The following ZNF676 variants were observed in gnomAD, a reference collection of about 807,000 sequenced individuals.
ZNF676 encodes zinc finger protein 676.
In ZNF676, 4 loss-of-function variants were observed where a neutral mutation model predicts 6.0. That is an observed-to-expected ratio of 0.67 (90% CI 0.33 to 1.53). The LOEUF (loss-of-function observed/expected upper bound fraction) is 1.53. Ranked by LOEUF, ZNF676 falls within the 40% of genes most tolerant of loss-of-function variation. The probability of loss-of-function intolerance (pLI) is 0.06; values close to 1 mark genes in which losing one functional copy is unlikely to be tolerated. For missense variants in ZNF676, 644 were observed against 679.7 expected (o/e 0.95, Z 0.58); for synonymous variants, 198 against 223.1 (o/e 0.89, Z 1.00).
chr19:22,228,239 A>G, the ZNF676 span, among the ~76,000 whole-genome samples: 2 of 152,120 alleles, frequency 1.3e-5, no homozygotes, highest in Non-Finnish European at 2.9e-5. Flanking sequence ...CATAAACAGA[A>G]CCCATGACAA....
rs1280872445 is a variant in ZNF676, at chr19:22,209,567, A to T, written c.3+6065T>A. On this transcript the variant is annotated intron_variant, in intron 1 of 3. Transcript: ENST00000650058. Reference sequence around the variant, plus strand: ...TGCTATGATTAGTACTGCAGTGACAAAATAATCTCCACACCAAACTCCCAT... The same window carrying T: ...TGCTATGATTAGTACTGCAGTGACATAATAATCTCCACACCAAACTCCCAT... Among the ~76,000 whole-genome samples, 5 of 152,278 alleles carry T rather than the reference A, an allele frequency of 3.3e-5. No homozygotes were observed. In the East Asian group the frequency reaches 9.7e-4, roughly 30 times the overall value.
intron 1 of ZNF676, chr19:22,204,137 A>ATT (rs879339379): frequency 6.4e-4 from 97 of 152,320 alleles, no homozygotes; most frequent in African/African-American, 2.0e-3. Flanking sequence ...TAATAGCAGC[A>ATT]TACTAATTTG....
chr19:22,228,438 C>G, the ZNF676 span, among the ~76,000 whole-genome samples: 1 of 152,182 alleles, frequency 6.6e-6, no homozygotes, highest in Non-Finnish European at 1.5e-5. Flanking sequence ...CCTTTGAAAA[C>G]TGGCACAAGA....
intron 2 of ZNF676, among the ~76,000 whole-genome samples, chr19:22,185,855 C>T (rs1037687059): frequency 2.0e-5 from 3 of 151,906 alleles, no homozygotes; most frequent in African/African-American, 7.3e-5. Context: ...GAGAAACAAA[C>T]AAAGCCTCCA....
chr19:22,256,723 G>A, the ZNF676 span, among the ~76,000 whole-genome samples: 1 of 152,004 alleles, frequency 6.6e-6, no homozygotes, highest in South Asian at 2.1e-4. Context: ...CCTCACCTAG[G>A]TTCTGGGTCC....
the ZNF676 span, among the ~76,000 whole-genome samples, chr19:22,235,081 G>A: frequency 6.8e-6 from 1 of 147,620 alleles, no homozygotes; most frequent in East Asian, 2.0e-4. Flanking sequence ...AGTCAGGAAG[G>A]CAGGAAGGCA....
intron 1 of ZNF676, among the ~76,000 whole-genome samples, chr19:22,204,627 T>C (rs1359086257): frequency 6.6e-6 from 1 of 152,212 alleles, no homozygotes; most frequent in East Asian, 1.9e-4. Flanking sequence ...ATCGGGTTTC[T>C]GCCAAAGAAC....
rs2023692393 is a variant in ZNF676 at position 22,179,241 on chromosome 19, T to C, written c.*709A>G. 6.3e-6 allele frequency: 1 copy of C among 159,082 alleles called. No individual in the cohort carries two copies. Among genetic ancestry groups the C allele is most frequent in the Admixed American group, 6.1e-5 (1 of 16,348 alleles). 9.9% of individuals were successfully genotyped at this position (159,082 alleles called of 1,614,324 possible). ...GATTTCTTTTATATTCAGAAAAGTC[T>C]GAGGTGTTGCCAAAAGCATTGTCAC... On this transcript the variant is annotated 3_prime_UTR_variant, in exon 3 of 3. Transcript: ENST00000397121.
the ZNF676 span, among the ~76,000 whole-genome samples, chr19:22,248,898 T>A: frequency 3.8e-4 from 58 of 151,992 alleles, no homozygotes; most frequent in Non-Finnish European, 1.5e-4. Context: ...CCTGGCTAAT[T>A]TTTGTATTTT....
chr19:22,215,539 C>T, intron 1 of ZNF676: 2 of 1,450,288 alleles, frequency 1.4e-6, no homozygotes, highest in South Asian at 2.3e-5. Context: ...GTGGAGCTGA[C>T]TGCGGGTAGG....
chr19:22,217,845 G>A (rs1425974687), upstream of ZNF676, among the ~76,000 whole-genome samples: 8 of 151,698 alleles, frequency 5.3e-5, no homozygotes, highest in South Asian at 4.2e-4. Context: ...CAGGGATTAC[G>A]GACACACTCC....
chr19:22,223,953 T>A, the ZNF676 span, among the ~76,000 whole-genome samples: 1 of 151,902 alleles, frequency 6.6e-6, no homozygotes, highest in Non-Finnish European at 1.5e-5. Flanking sequence ...GCATATATTG[T>A]GTAAGAACAG....
upstream of ZNF676, among the ~76,000 whole-genome samples, chr19:22,219,211 G>T (rs561169576): frequency 1.3e-5 from 2 of 151,926 alleles, no homozygotes; most frequent in East Asian, 3.9e-4. Flanking sequence ...TGATTCTCCT[G>T]TCTCAGCCTC....
chr19:22,189,109 T>C (rs2023872993), intron 2 of ZNF676, among the ~76,000 whole-genome samples: 1 of 152,044 alleles, frequency 6.6e-6, no homozygotes, highest in African/African-American at 2.4e-5. Context: ...CAAATTATAC[T>C]ACAAGGCTAC....
chr19:22,193,384 T>C (rs180737804), intron 1 of ZNF676, among the ~76,000 whole-genome samples: 1 of 152,074 alleles, frequency 6.6e-6, no homozygotes, highest in East Asian at 1.9e-4. Context: ...ACTCTCACTG[T>C]GGAAAACTGG....
At chr19:22,221,505 C>T in the ZNF676 span, among the ~76,000 whole-genome samples, 1 of 152,076 alleles carries the variant, frequency 6.6e-6, no homozygotes, top group African/African-American at 2.4e-5. Context: ...AATCCCAGCA[C>T]TTTGGGATGC....
At chr19:22,217,833 A>G (rs1396134377), upstream of ZNF676, among the ~76,000 whole-genome samples, 1 of 151,958 alleles carries the variant, frequency 6.6e-6, no homozygotes, top group Non-Finnish European at 1.5e-5. Context: ...CCTCTGGAGT[A>G]GCAGGGATTA....
At chr19:22,248,966 G>T in the ZNF676 span, among the ~76,000 whole-genome samples, 2 of 152,218 alleles carry the variant, frequency 1.3e-5, no homozygotes, top group African/African-American at 4.8e-5. Flanking sequence ...CTGACCTCAA[G>T]TGATCTGCCC....
At chr19:22,201,848 CAAGGT>C (rs895945840), upstream of ZNF676, among the ~76,000 whole-genome samples, 3 of 149,302 alleles carry the variant, frequency 2.0e-5, no homozygotes, top group African/African-American at 7.4e-5. Flanking sequence ...GCATATACAT[CAAGGT>C]TAAGGGTATG....
Sources: allele counts gnomAD v4.1 joint callset (sites outside exome capture counted in the v4.1 genomes callset), GRCh38; gene constraint gnomAD v4.1.1; transcripts MANE v1.5; gene names NCBI Gene and HGNC (gene_info 2026-07-23, HGNC 2026-07-21).